Variants in ZC3H12B observed in about 807,000 individuals in gnomAD.
ZC3H12B encodes probable ribonuclease ZC3H12B.
A neutral mutation model predicts 43.9 loss-of-function variants in ZC3H12B; 7 were observed. The observed-to-expected ratio is 0.16, with a 90% CI of 0.09 to 0.30. The LOEUF (loss-of-function observed/expected upper bound fraction) is 0.30, where lower values mean the gene tolerates loss of function less well. ZC3H12B is among the 10% of genes least tolerant of loss of function. The probability of loss-of-function intolerance (pLI) is 1.00; values close to 1 mark genes in which losing one functional copy is unlikely to be tolerated. For synonymous variants in ZC3H12B, 222 were observed against 241.7 expected (o/e 0.92, Z 0.76); for missense variants, 475 against 670.2 (o/e 0.71, Z 3.22).
At chrX:65,048,906 T>C in the ZC3H12B span, among the ~76,000 whole-genome samples, 1 of 111,782 alleles carries the variant, frequency 8.9e-6, no homozygotes, top group African/African-American at 3.2e-5. Context: ...TGGTTTTGAT[T>C]TGTATTTCTC....
the ZC3H12B span, chrX:65,331,153 T>C: frequency 3.9e-6 from 1 of 256,316 alleles, no homozygotes; most frequent in Non-Finnish European, 7.6e-6. Context: ...CACACTTTTC[T>C]TCATAAAAAA....
chrX:65,072,310 T>C, the ZC3H12B span, among the ~76,000 whole-genome samples: 1 of 112,524 alleles, frequency 8.9e-6, no homozygotes, highest in African/African-American at 3.2e-5. Context: ...AGGTTAGTTA[T>C]ATTCTTTTCT....
intron 3 of ZC3H12B, among the ~76,000 whole-genome samples, chrX:65,440,061 T>A (rs1364314997): frequency 8.9e-6 from 1 of 112,387 alleles, no homozygotes; most frequent in Non-Finnish European, 1.9e-5. Flanking sequence ...TAATGCTAGA[T>A]TCAACTGTGT....
chrX:65,175,666 C>T, the ZC3H12B span, among the ~76,000 whole-genome samples: 2 of 111,549 alleles, frequency 1.8e-5, no homozygotes, highest in South Asian at 3.8e-4. Flanking sequence ...TTTTCCATTT[C>T]GAACTGAGGT....
the ZC3H12B span, among the ~76,000 whole-genome samples, chrX:65,075,145 T>C: frequency 2.1e-4 from 24 of 112,413 alleles, no homozygotes; most frequent in Admixed American, 3.8e-4. Flanking sequence ...ACATTTTATG[T>C]GTATATTTCT....
chrX:65,310,782 C>G, the ZC3H12B span, among the ~76,000 whole-genome samples: 2 of 111,872 alleles, frequency 1.8e-5, no homozygotes, highest in African/African-American at 6.5e-5. Flanking sequence ...CAGCATGGTA[C>G]TGGTACCAAA....
At chrX:65,448,983 A>AAGAAAGAAAGAAAGAAAGAAAAAGAAAG (rs1402616904) in intron 3 of ZC3H12B, among the ~76,000 whole-genome samples, 1 of 95,235 alleles carries the variant, frequency 1.1e-5, no homozygotes, top group African/African-American at 5.1e-5. Flanking sequence ...AAGAAAGAGA[A>AAGAAAGAAAGAAAGAAAGAAAAAGAAAG]AGAAAGAAAG....
chrX:65,205,097 T>A, the ZC3H12B span, among the ~76,000 whole-genome samples: 1 of 112,306 alleles, frequency 8.9e-6, no homozygotes, highest in South Asian at 3.6e-4. Flanking sequence ...GCTTTTCACT[T>A]CATGGGAGAA....
At chrX:65,388,466 T>C (rs1359962133) in intron 2 of ZC3H12B, among the ~76,000 whole-genome samples, 1 of 112,359 alleles carries the variant, frequency 8.9e-6, no homozygotes, top group Non-Finnish European at 1.9e-5. Flanking sequence ...ATCACGTAGT[T>C]CTCGTGCCTT....
the ZC3H12B span, among the ~76,000 whole-genome samples, chrX:65,171,014 C>T: frequency 2.7e-5 from 3 of 111,525 alleles, no homozygotes; most frequent in East Asian, 2.8e-4. Context: ...TTGTTATTAC[C>T]GATTGTGTGA....
chrX:65,104,393 A>G, the ZC3H12B span, among the ~76,000 whole-genome samples: 2 of 112,254 alleles, frequency 1.8e-5, no homozygotes, highest in Admixed American at 9.4e-5. Flanking sequence ...CAATGGCAAC[A>G]AAAGCCAAAA....
rs370781932 is a variant in ZC3H12B, at chrX:65,415,068, G to T, written n.407+16364G>T. 1.2e-3 allele frequency among the ~76,000 whole-genome samples: 136 copies of T among 112,101 alleles called. 1 individual carries two copies. In the South Asian group the frequency reaches 0.048, roughly 40 times the overall value. ...AATACGTGTAGATATACATTGGTTTGCTCCAGAAAGGTGGGATAACTTGAA... is the reference window on the plus strand; with the variant it reads ...AATACGTGTAGATATACATTGGTTTTCTCCAGAAAGGTGGGATAACTTGAA... On this transcript the variant is annotated intron_variant and non_coding_transcript_variant, in intron 3 of 5. Coordinates refer to the ZC3H12B transcript ENST00000617377.
Position 65,502,128 on chromosome X carries a change from C to T in ZC3H12B, c.1430C>T (p.Pro477Leu), listed in dbSNP as rs368700710. 3.9e-5 allele frequency: 47 copies of T among 1,207,769 alleles called. No individual in the cohort carries two copies. The highest frequency in any genetic ancestry group is 4.7e-5 in the Non-Finnish European group (42 of 894,208). The change falls in exon 5 of 5, where the codon CCC becomes CTC. Residue 477 changes from proline (P) to leucine (L), a missense_variant. Physicochemically the swap from Pro to Leu is moderately conservative, Grantham distance 98. Around this residue, in one of 3 missense-constraint regions of ZC3H12B, gnomAD observed 289 missense variants for 359.9 expected, o/e 0.80. Coordinates refer to ENST00000338957, the Ensembl canonical transcript of ZC3H12B. ...CTAAGTGTTCCCACAATCCCACCCCCCAAAAGCCATGCAGTGGGTGCACTC... is the reference window on the plus strand; with the variant it reads ...CTAAGTGTTCCCACAATCCCACCCCTCAAAAGCCATGCAGTGGGTGCACTC...
At chrX:65,374,253 TA>T (rs1348029064) in intron 2 of ZC3H12B, among the ~76,000 whole-genome samples, 2 of 80,121 alleles carry the variant, frequency 2.5e-5, no homozygotes, top group Admixed American at 1.5e-4. Flanking sequence ...ATTATATATA[TA>T]GTATAGTAAT....
At chrX:65,299,528 CAGAA>C in the ZC3H12B span, among the ~76,000 whole-genome samples, 1 of 112,107 alleles carries the variant, frequency 8.9e-6, no homozygotes. Context: ...CCTGAATAGA[CAGAA>C]AGAGGGGAGG....
chrX:65,448,022 G>A (rs2067402407), intron 3 of ZC3H12B, among the ~76,000 whole-genome samples: 1 of 111,035 alleles, frequency 9.0e-6, no homozygotes, highest in Non-Finnish European at 1.9e-5. Context: ...CACGAGGTCA[G>A]GAGATCGAGA....
chrX:65,338,955 A>G, the ZC3H12B span, among the ~76,000 whole-genome samples: 1 of 112,397 alleles, frequency 8.9e-6, no homozygotes, highest in African/African-American at 3.2e-5. Context: ...GAACTGGAAC[A>G]AGACAAGAAT....
chrX:65,455,814 G>A (rs1396320376), intron 3 of ZC3H12B, among the ~76,000 whole-genome samples: 2 of 112,017 alleles, frequency 1.8e-5, no homozygotes, highest in East Asian at 5.6e-4. Context: ...GAGAGTGGGG[G>A]CCAATATTCA....
At chrX:65,099,875 G>T in the ZC3H12B span, among the ~76,000 whole-genome samples, 3 of 111,798 alleles carry the variant, frequency 2.7e-5, no homozygotes, top group Admixed American at 2.9e-4. Context: ...ACTGGACAGA[G>T]AATGAGTTTG....
Sources: allele counts gnomAD v4.1 joint callset (sites outside exome capture counted in the v4.1 genomes callset), GRCh38; gene constraint gnomAD v4.1.1; regional missense constraint gnomAD v4.1.1; transcripts MANE v1.5; gene names NCBI Gene and HGNC (gene_info 2026-07-23, HGNC 2026-07-21).